The following SUPT3H variants were observed in gnomAD, a reference collection of about 807,000 sequenced individuals.
SUPT3H encodes the protein SPT3 homolog, SAGA and STAGA complex component.
Under a neutral mutation model 44.3 loss-of-function variants are expected in SUPT3H, and 44 were observed. The ratio of observed to expected loss-of-function variants is 0.99; its 90% CI spans 0.78 to 1.28. SUPT3H has a LOEUF of 1.28. SUPT3H is among the 50% of genes most tolerant of loss of function. The probability of loss-of-function intolerance (pLI) is 0.00; values close to 1 mark genes in which losing one functional copy is unlikely to be tolerated. For missense variants in SUPT3H, 380 were observed against 387.1 expected (o/e 0.98, Z 0.15); for synonymous variants, 124 against 125.6 (o/e 0.99, Z 0.09).
intron 2 of SUPT3H, among the ~76,000 whole-genome samples, chr6:45,200,971 T>C (rs1644364079): frequency 6.6e-6 from 1 of 151,570 alleles, no homozygotes; most frequent in African/African-American, 2.4e-5. Flanking sequence ...TGTGTACAAA[T>C]ATACACATAA....
At chr6:45,029,019 A>G (rs1202662247) in intron 3 of SUPT3H, among the ~76,000 whole-genome samples, 1 of 151,892 alleles carries the variant, frequency 6.6e-6, no homozygotes, top group African/African-American at 2.4e-5. Context: ...TTGAAAGGAA[A>G]TGTATTTGTA....
chr6:45,103,367 C>T (rs1312681221), intron 3 of SUPT3H, among the ~76,000 whole-genome samples: 1 of 152,098 alleles, frequency 6.6e-6, no homozygotes, highest in African/African-American at 2.4e-5. Flanking sequence ...CATACTATTT[C>T]TTGTTTATAC....
chr6:44,987,491 T>C (rs1389993770), intron 6 of SUPT3H, among the ~76,000 whole-genome samples: 1 of 151,874 alleles, frequency 6.6e-6, no homozygotes, highest in Non-Finnish European at 1.5e-5. Flanking sequence ...CAGAGAAAGA[T>C]GGAGATGGAG....
At chr6:45,195,635 T>C (rs1815891099) in intron 2 of SUPT3H, among the ~76,000 whole-genome samples, 1 of 152,198 alleles carries the variant, frequency 6.6e-6, no homozygotes, top group South Asian at 2.1e-4. Context: ...CGATTTGTTT[T>C]TCATTTCTGA....
chr6:45,175,593 ATCT>A (rs1811624862), intron 2 of SUPT3H, among the ~76,000 whole-genome samples: 1 of 152,180 alleles, frequency 6.6e-6, no homozygotes, highest in African/African-American at 2.4e-5. Flanking sequence ...TCTTTCACCG[ATCT>A]TCTTATCTCT....
chr6:44,948,845 A>G (rs1443484587), intron 9 of SUPT3H, among the ~76,000 whole-genome samples: 1 of 152,108 alleles, frequency 6.6e-6, no homozygotes, highest in African/African-American at 2.4e-5. Context: ...ATTCCTCAAG[A>G]ATCTAGAACT....
Position 44,906,787 on chromosome 6 carries a change from AG to A in SUPT3H, c.912+25865del, listed in dbSNP as rs1461904196. ...AAAAAACAAACAAAAAAAATTCACA[AG>A]GGTTCCCAGTCTGTATTGTTTTATT... is the stretch of plus-strand genomic sequence containing the variant. On this transcript the variant is annotated intron_variant, in intron 10 of 10. Coordinates refer to ENST00000371459, the MANE Select transcript of SUPT3H (RefSeq NM_003599.4). 5.3e-5 allele frequency among the ~76,000 whole-genome samples: 8 copies of A among 152,260 alleles called. No homozygotes were observed. In the East Asian group the frequency reaches 1.4e-3, roughly 26 times the overall value.
At chr6:44,843,927 G>GCACACACACA (rs56329630) in intron 10 of SUPT3H, among the ~76,000 whole-genome samples, 1 of 148,006 alleles carries the variant, frequency 6.8e-6, no homozygotes, top group Non-Finnish European at 1.5e-5. Flanking sequence ...ACACACACAC[G>GCACACACACA]CACACACACA....
intron 2 of SUPT3H, among the ~76,000 whole-genome samples, chr6:45,281,504 A>T (rs1045048586): frequency 3.3e-5 from 5 of 152,182 alleles, no homozygotes; most frequent in African/African-American, 9.6e-5. Flanking sequence ...CTAGCACAGC[A>T]GTCTGAGATC....
chr6:45,136,555 A>G (rs897542194), intron 2 of SUPT3H, among the ~76,000 whole-genome samples: 30 of 152,140 alleles, frequency 2.0e-4, no homozygotes, highest in Non-Finnish European at 3.4e-4. Flanking sequence ...AAACTAAAGG[A>G]AAGTATAACA....
At chr6:44,977,618 A>T (rs1283263728) in intron 6 of SUPT3H, among the ~76,000 whole-genome samples, 5 of 152,162 alleles carry the variant, frequency 3.3e-5, no homozygotes. Flanking sequence ...CTTGGATGAG[A>T]GTTTTGTGGT....
intron 2 of SUPT3H, among the ~76,000 whole-genome samples, chr6:45,304,360 T>A (rs1438828981): frequency 6.6e-6 from 1 of 152,058 alleles, no homozygotes; most frequent in Non-Finnish European, 1.5e-5. Flanking sequence ...GTTACTTAAT[T>A]TAAAGGAAAA....
intron 2 of SUPT3H, among the ~76,000 whole-genome samples, chr6:45,123,622 T>C (rs1801994812): frequency 6.6e-6 from 1 of 152,166 alleles, no homozygotes; most frequent in Non-Finnish European, 1.5e-5. Context: ...ATATATAATC[T>C]ATTTTAACCT....
chr6:45,065,716 TG>T (rs1793166937), intron 3 of SUPT3H, among the ~76,000 whole-genome samples: 1 of 151,008 alleles, frequency 6.6e-6, no homozygotes, highest in Non-Finnish European at 1.5e-5. Context: ...CTAGAAGAAA[TG>T]GATAAATTCC....
intron 2 of SUPT3H, among the ~76,000 whole-genome samples, chr6:45,334,187 C>A (rs1788078722): frequency 2.0e-5 from 3 of 150,932 alleles, no homozygotes. Context: ...CTATGTAAGG[C>A]AAATAATTTT....
chr6:45,160,781 C>T (rs889404181), intron 2 of SUPT3H, among the ~76,000 whole-genome samples: 1 of 152,064 alleles, frequency 6.6e-6, no homozygotes, highest in African/African-American at 2.4e-5. Flanking sequence ...AATATGGATA[C>T]CCAAAGTTTC....
At chr6:45,273,773 A>T (rs755474989) in intron 2 of SUPT3H, among the ~76,000 whole-genome samples, 18 of 152,200 alleles carry the variant, frequency 1.2e-4, no homozygotes, top group African/African-American at 3.9e-4. Context: ...TGCTACAAAC[A>T]TCATGTACAA....
chr6:44,905,529 G>A (rs1765885989), intron 10 of SUPT3H, among the ~76,000 whole-genome samples: 1 of 151,422 alleles, frequency 6.6e-6, no homozygotes, highest in African/African-American at 2.4e-5. Context: ...AACAGGTGCT[G>A]GAGAGGATGT....
intron 5 of SUPT3H, among the ~76,000 whole-genome samples, chr6:45,013,721 G>C (rs917561314): frequency 3.3e-5 from 5 of 152,054 alleles, no homozygotes; most frequent in African/African-American, 1.2e-4. Flanking sequence ...CTAGAATAAA[G>C]CTTTTGCAAC....
Sources: allele counts gnomAD v4.1 joint callset (sites outside exome capture counted in the v4.1 genomes callset), GRCh38; gene constraint gnomAD v4.1.1; transcripts MANE v1.5; gene names NCBI Gene and HGNC (gene_info 2026-07-23, HGNC 2026-07-21).